The following COL6A5 variants were observed in gnomAD, a reference collection of about 807,000 sequenced individuals.
The protein encoded by COL6A5 is collagen type VI alpha 5 chain, also known as collagen alpha-5(VI) chain.
COL6A5 carries 48 observed loss-of-function variants against 65.6 expected under a neutral mutation model. That is an observed-to-expected ratio of 0.73 (90% CI 0.58 to 0.93). The LOEUF is 0.93. Among genes scored for constraint, COL6A5 ranks in the 40% least tolerant of loss-of-function variants. The probability of loss-of-function intolerance (pLI) is 0.00; values close to 1 mark genes in which losing one functional copy is unlikely to be tolerated. For missense variants in COL6A5, 914 were observed against 928.3 expected (o/e 0.98, Z 0.20); for synonymous variants, 291 against 322.8 (o/e 0.90, Z 1.05).
rs570062495 is a variant in COL6A5 at position 130,345,988 on chromosome 3, A to G, written c.-29+7A>G. 2.8e-5 allele frequency: 11 copies of G among 398,734 alleles called. No individual in the cohort carries two copies. The highest frequency in any genetic ancestry group is 2.1e-4 in the African/African-American group (10 of 48,762). The allele number at this position is 398,734 out of a possible 1,614,324, so 24.7% of individuals were successfully genotyped here. A position where few individuals can be genotyped will look rare whatever the true frequency, so the allele number is the denominator to read the frequency against. On this transcript the variant is annotated splice_region_variant and intron_variant and NMD_transcript_variant, in intron 1 of 41. Transcript: ENST00000312481. ...CTGACCCCGGGAAAGCTGGGTAAGT[A>G]TGCGGTGCGGGGACTTGGGGCCTGA...
At chr3:130,482,421 A>G (rs1341681972) in intron 7 of COL6A5, among the ~76,000 whole-genome samples, 3 of 152,204 alleles carry the variant, frequency 2.0e-5, no homozygotes, top group Non-Finnish European at 2.9e-5. Context: ...TGTTGATACC[A>G]ATACCATGCT....
intron 24 of COL6A5, 101 bp downstream of exon 24, chr3:130,416,920 C>CT: frequency 1.4e-6 from 1 of 724,900 alleles, no homozygotes; most frequent in Non-Finnish European, 2.2e-6. Context: ...GTGATATTTT[C>CT]TTTTTTTAAA....
chr3:130,381,275 C>T (rs143167335), intron 4 of COL6A5, among the ~76,000 whole-genome samples: 148 of 152,196 alleles, frequency 9.7e-4, no homozygotes, highest in African/African-American at 3.2e-3. Context: ...CTGCCTTACC[C>T]ACTTTTTCAT....
chr3:130,433,953 T>A (rs1383314884), intron 1 of COL6A5, among the ~76,000 whole-genome samples: 6 of 150,554 alleles, frequency 4.0e-5, no homozygotes, highest in African/African-American at 1.5e-4. Flanking sequence ...CCTTTTTTTT[T>A]ATTTCTTCTA....
Position 130,443,118 on chromosome 3 carries a change from T to C in COL6A5, c.1242-358T>C, listed in dbSNP as rs117897459. Reference sequence around the variant, plus strand: ...GAAACATTACCTTGTCTCTGTTTGATCCGTTAGCGTAAGTCTGGGTGAAAA... The same window carrying C: ...GAAACATTACCTTGTCTCTGTTTGACCCGTTAGCGTAAGTCTGGGTGAAAA... On this transcript the variant is annotated intron_variant, in intron 3 of 7. Transcript: ENST00000512836. Among the ~76,000 whole-genome samples, 70 of 152,308 alleles carry C rather than the reference T, an allele frequency of 4.6e-4. No individual in the cohort carries two copies. The East Asian group carries it at 0.011, about 25-fold the overall frequency.
chr3:130,434,029 A>T (rs574819337), intron 1 of COL6A5, among the ~76,000 whole-genome samples: 2 of 151,510 alleles, frequency 1.3e-5, no homozygotes, highest in Middle Eastern at 6.9e-3. Context: ...TTACATAGGT[A>T]TACATGTGCC....
chr3:130,419,712 A>G (rs1324511094), intron 25 of COL6A5, among the ~76,000 whole-genome samples: 1 of 152,160 alleles, frequency 6.6e-6, no homozygotes, highest in Non-Finnish European at 1.5e-5. Flanking sequence ...AATGTAAAAG[A>G]AAGTCAAAAT....
intron 7 of COL6A5, among the ~76,000 whole-genome samples, chr3:130,473,341 T>C (rs1406415580): frequency 6.6e-6 from 1 of 152,040 alleles, no homozygotes; most frequent in African/African-American, 2.4e-5. Flanking sequence ...AGGAACTGTG[T>C]GGCAGTGAAG....
At chr3:130,425,534 A>G (rs1314085815) in intron 29 of COL6A5, among the ~76,000 whole-genome samples, 6 of 152,178 alleles carry the variant, frequency 3.9e-5, no homozygotes, top group Non-Finnish European at 2.9e-5. Flanking sequence ...GGAAGTAAGA[A>G]GGAGCAAAGA....
intron 1 of COL6A5, among the ~76,000 whole-genome samples, chr3:130,361,935 G>T (rs1324730896): frequency 6.6e-6 from 1 of 151,952 alleles, no homozygotes; most frequent in Non-Finnish European, 1.5e-5. Flanking sequence ...AGAGTTCTTT[G>T]TATATTTTGG....
chr3:130,351,757 C>A (rs189782499), intron 1 of COL6A5, among the ~76,000 whole-genome samples: 1 of 152,288 alleles, frequency 6.6e-6, no homozygotes, highest in East Asian at 1.9e-4. Context: ...GGCAATTCCT[C>A]AAGGATCTAG....
At chr3:130,483,579 A>G (rs1710304332) in intron 7 of COL6A5, among the ~76,000 whole-genome samples, 1 of 152,106 alleles carries the variant, frequency 6.6e-6, no homozygotes, top group African/African-American at 2.4e-5. Flanking sequence ...CTCAAAGAAT[A>G]ATAGGTGCTG....
intron 5 of COL6A5, among the ~76,000 whole-genome samples, chr3:130,465,157 A>T (rs537642614): frequency 1.5e-3 from 223 of 152,216 alleles, no homozygotes; most frequent in South Asian, 7.7e-3. Context: ...AGGACATGGT[A>T]CAAGAAGAGG....
intron 5 of COL6A5, 67 bp from the exon 6 acceptor site, chr3:130,388,513 C>A: frequency 8.0e-7 from 1 of 1,252,774 alleles, no homozygotes; most frequent in Non-Finnish European, 1.1e-6. Flanking sequence ...TTGTTTCTGC[C>A]TTAATGTTAC....
intron 5 of COL6A5, among the ~76,000 whole-genome samples, chr3:130,467,874 A>G (rs78375188): frequency 3.4e-3 from 518 of 152,108 alleles, no homozygotes; most frequent in African/African-American, 0.012. Context: ...AGGTTCACAA[A>G]TTCACTTCTT....
At position 130,362,310 on chromosome 3, in the gene COL6A5, ATATATATATATATATATTTTTTTTTTTT is replaced by A. The variant is rs1398848725; in HGVS notation, c.-28-11299_-28-11272del. ...TCTCCATATATATATATATATATAT[ATATATATATATATATATTTTTTTTTTTT>A]TTTTTTTTTGCATGTGGATGTCTGG... On this transcript the variant is annotated intron_variant and NMD_transcript_variant, in intron 1 of 41. Coordinates refer to the COL6A5 transcript ENST00000312481. Among the ~76,000 whole-genome samples, 28 of 76,774 alleles carry A rather than the reference ATATATATATATATATATTTTTTTTTTTT, an allele frequency of 3.6e-4. 1 individual carries two copies. The highest frequency in any genetic ancestry group is 2.1e-3 in the African/African-American group (28 of 13,312). The allele number at this position is 76,774 out of a possible 152,430, so 50.4% of individuals were successfully genotyped here.
rs181784903 is a variant in COL6A5, at chr3:130,398,340, T to C, written c.3991+229T>C. 2.9e-3 allele frequency among the ~76,000 whole-genome samples: 438 copies of C among 152,140 alleles called. 3 individuals are homozygous for C. The highest frequency in any genetic ancestry group is 3.0e-3 in the Non-Finnish European group (207 of 67,974). ...AGAGATGGGGTTTCACTGTGTTAGC[T>C]AGGGTGGTCTTGATCTCCTGACCTC... On this transcript the variant is annotated intron_variant and NMD_transcript_variant, in intron 10 of 41. Transcript: ENST00000312481.
Position 130,410,084 on chromosome 3 carries a change from T to C in COL6A5, c.4608+10T>C. 1 of 1,530,848 alleles carries C rather than the reference T, an allele frequency of 6.5e-7. No homozygotes were observed. The highest frequency in any genetic ancestry group is 2.0e-5 in the Admixed American group (1 of 50,326). The allele number at this position is 1,530,848 out of a possible 1,614,324, so 94.8% of individuals were successfully genotyped here. A position where few individuals can be genotyped will look rare whatever the true frequency, so the allele number is the denominator to read the frequency against. On this transcript the variant is annotated intron_variant and NMD_transcript_variant, in intron 19 of 41. Coordinates refer to the COL6A5 transcript ENST00000312481. Reference sequence around the variant, plus strand: ...AGAACAAGGAAGACAAGTAATTTGATCTGTTTTATCTATGAGTTGATTAAT... The same window carrying C: ...AGAACAAGGAAGACAAGTAATTTGACCTGTTTTATCTATGAGTTGATTAAT...
At chr3:130,359,836 A>G (rs1438979555) in intron 1 of COL6A5, among the ~76,000 whole-genome samples, 1 of 152,092 alleles carries the variant, frequency 6.6e-6, no homozygotes, top group Non-Finnish European at 1.5e-5. Flanking sequence ...CTTTTTCTTT[A>G]CAGAAAAGTT....
Sources: allele counts gnomAD v4.1 joint callset (sites outside exome capture counted in the v4.1 genomes callset), GRCh38; gene constraint gnomAD v4.1.1; transcripts MANE v1.5; gene names NCBI Gene and HGNC (gene_info 2026-07-23, HGNC 2026-07-21).